The following DIP2C variants were observed in gnomAD, a reference collection of about 807,000 sequenced individuals.
The protein encoded by DIP2C is DIP2 acetate--CoA ligase C (putative), also known as disco-interacting protein 2 homolog C.
A neutral mutation model predicts 192.4 loss-of-function variants in DIP2C; 33 were observed. The ratio of observed to expected loss-of-function variants is 0.17; its 90% CI spans 0.13 to 0.23. The LOEUF (loss-of-function observed/expected upper bound fraction) is 0.23, where lower values mean the gene tolerates loss of function less well. Ranked by LOEUF, DIP2C falls within the 10% of genes least tolerant of loss-of-function variation. The pLI is 1.00. For missense variants in DIP2C, 1,537 were observed against 2,110.1 expected, an observed-to-expected ratio of 0.73 and a Z score of 5.32; for synonymous variants, 979 against 864.1, an observed-to-expected ratio of 1.13 and a Z score of -2.33.
intron 2 of DIP2C, among the ~76,000 whole-genome samples, chr10:485,974 C>T (rs917959088): frequency 2.0e-5 from 3 of 152,180 alleles, no homozygotes; most frequent in South Asian, 2.1e-4. Context: ...GGCGGGAAAC[C>T]GACTGCCCTT....
At chr10:286,479 A>G in intron 33 of DIP2C, 132 bp from the exon 34 acceptor site, 1 of 779,270 alleles carries the variant, frequency 1.3e-6, no homozygotes, top group Non-Finnish European at 2.2e-6. Flanking sequence ...TCAAAACTAT[A>G]TGCCACATAG....
At chr10:456,023 A>G (rs559903525) in intron 3 of DIP2C, among the ~76,000 whole-genome samples, 18 of 56,020 alleles carry the variant, frequency 3.2e-4, no homozygotes, top group Non-Finnish European at 5.1e-4. Flanking sequence ...TGAGGAATAA[A>G]TGAGATGAAA....
Position 362,567 on chromosome 10 carries a change from G to C in DIP2C, c.2717C>G (p.Ser906Cys). ...CATTAGGACATTGCAGGGGTGCAGA[G>C]AGCCCTCCAGAAAAAGCTGTTTTGT... is the stretch of plus-strand genomic sequence containing the variant. The part of the protein sequence containing the change: ...SETKQLFLEG[S>C]LHPCNVLMCP... Residue 906 changes from serine (S) to cysteine (C), a missense_variant, in exon 22 of 37, where the codon TCT becomes TGT. By Grantham distance (112) the Ser-to-Cys change is moderately radical. Around this residue, in one of 4 missense-constraint regions of DIP2C, gnomAD observed 677 missense variants for 989.9 expected, o/e 0.68. Transcript: ENST00000280886. 1.2e-6 allele frequency: 2 copies of C among 1,614,158 alleles called. No individual in the cohort carries two copies. The highest frequency in any genetic ancestry group is 1.7e-6 in the Non-Finnish European group (2 of 1,180,016).
chr10:493,606 A>G (rs1370740080), intron 1 of DIP2C, among the ~76,000 whole-genome samples: 1 of 152,134 alleles, frequency 6.6e-6, no homozygotes, highest in Non-Finnish European at 1.5e-5. Context: ...ATGGCTTGAG[A>G]GCAAGTCTCT....
At chr10:671,304 T>G (rs1487619616) in intron 1 of DIP2C, among the ~76,000 whole-genome samples, 1 of 147,070 alleles carries the variant, frequency 6.8e-6, no homozygotes, top group Non-Finnish European at 1.5e-5. Flanking sequence ...ACACCACAGA[T>G]CCACAGACGG....
intron 4 of DIP2C, among the ~76,000 whole-genome samples, chr10:426,942 C>G (rs570176662): frequency 1.3e-5 from 2 of 151,510 alleles, no homozygotes; most frequent in East Asian, 3.9e-4. Flanking sequence ...AACAGTAAGA[C>G]TATGAGACTT....
chr10:281,459 C>A (rs535533560), intron 35 of DIP2C, 136 bp from the exon 36 acceptor site: 8 of 1,282,398 alleles, frequency 6.2e-6, no homozygotes, highest in Non-Finnish European at 7.2e-6. Flanking sequence ...GATCCAGGGA[C>A]GTTTGTTTCC....
intron 1 of DIP2C, among the ~76,000 whole-genome samples, chr10:577,808 C>T (rs986133567): frequency 6.7e-6 from 1 of 148,576 alleles, no homozygotes; most frequent in South Asian, 2.1e-4. Context: ...TGTTTTGTTT[C>T]TTTTGTTTTT....
At chr10:401,973 A>G (rs1379040978) in intron 9 of DIP2C, among the ~76,000 whole-genome samples, 2 of 146,794 alleles carry the variant, frequency 1.4e-5, no homozygotes, top group Admixed American at 1.3e-4. Flanking sequence ...TCCTCAGCAC[A>G]TAAATCCTGT....
At chr10:311,137 G>A (rs958263161) in intron 31 of DIP2C, among the ~76,000 whole-genome samples, 5 of 151,952 alleles carry the variant, frequency 3.3e-5, no homozygotes, top group Non-Finnish European at 7.4e-5. Flanking sequence ...TCAGCCTCCC[G>A]GCGGACGCTC....
At position 598,279 on chromosome 10, in the gene DIP2C, GCCA is replaced by G. The variant is rs372809657; in HGVS notation, c.85+91212_85+91214del. The stretch of plus-strand genomic sequence containing the variant: ...CCCAGGAAGGTGAAAGCCGGCACCG[GCCA>G]CCAAGGGCCTCTCTTCCCACCCCGA... On this transcript the variant is annotated intron_variant, in intron 1 of 36. Coordinates refer to ENST00000280886, the MANE Select transcript of DIP2C (RefSeq NM_014974.3). Among the ~76,000 whole-genome samples the G allele has an allele frequency of 5.0e-3, 752 of 151,740 alleles. 7 individuals are homozygous for G. Among genetic ancestry groups the G allele is most frequent in the African/African-American group, 0.017 (705 of 41,350 alleles).
chr10:428,755 A>G (rs1966753779), intron 4 of DIP2C, among the ~76,000 whole-genome samples: 2 of 152,006 alleles, frequency 1.3e-5, no homozygotes, highest in African/African-American at 4.8e-5. Context: ...TTATATTACA[A>G]GGATATTAAC....
intron 1 of DIP2C, among the ~76,000 whole-genome samples, chr10:605,210 T>C (rs981408555): frequency 6.6e-6 from 1 of 152,198 alleles, no homozygotes; most frequent in African/African-American, 2.4e-5. Context: ...ACCTTCTAGA[T>C]GAAAGCAACG....
chr10:407,769 G>T (rs891717132), intron 9 of DIP2C, among the ~76,000 whole-genome samples: 10 of 152,140 alleles, frequency 6.6e-5, no homozygotes, highest in East Asian at 1.9e-4. Flanking sequence ...AAACGTTTTT[G>T]TTGTTGTTGC....
chr10:557,639 C>A (rs1013475477), intron 1 of DIP2C, among the ~76,000 whole-genome samples: 1 of 110,306 alleles, frequency 9.1e-6, no homozygotes, highest in Non-Finnish European at 1.8e-5. Flanking sequence ...TGACCCAATA[C>A]AGGGTGGTGA....
At chr10:624,288 G>A (rs932978005) in intron 1 of DIP2C, among the ~76,000 whole-genome samples, 25 of 152,320 alleles carry the variant, frequency 1.6e-4, no homozygotes, top group African/African-American at 5.1e-4. Context: ...GACCAAAGCC[G>A]GACCTGCCAG....
chr10:629,882 G>A (rs1277832232), intron 1 of DIP2C: 3 of 152,230 alleles, frequency 2.0e-5, no homozygotes, highest in African/African-American at 7.2e-5. Flanking sequence ...TCCATCCTTT[G>A]CAATGTGTGG....
At chr10:424,351 T>C (rs1300596885) in intron 4 of DIP2C, among the ~76,000 whole-genome samples, 2 of 136,442 alleles carry the variant, frequency 1.5e-5, no homozygotes, top group East Asian at 2.2e-4. Context: ...CTCTATCACC[T>C]TGGGTTTTTT....
chr10:349,261 TA>T, intron 25 of DIP2C, 69 bp downstream of exon 25: 1 of 1,559,458 alleles, frequency 6.4e-7, no homozygotes, highest in Non-Finnish European at 8.7e-7. Context: ...CCAGCGGGTG[TA>T]AGGGACCTCC....
Sources: gnomAD v4.1 joint callset for allele counts (sites outside exome capture counted in the v4.1 genomes callset) on GRCh38, gnomAD v4.1.1 for gene constraint, gnomAD v4.1.1 regional missense constraint, MANE v1.5 for transcripts, NCBI Gene and HGNC (gene_info 2026-07-23, HGNC 2026-07-21) for gene names.